POLR3B: variants seen among roughly 807,000 people sequenced by gnomAD.
POLR3B encodes DNA-directed RNA polymerase III subunit RPC2.
In POLR3B, 96 loss-of-function variants were observed where a neutral mutation model predicts 147.4. The ratio of observed to expected loss-of-function variants is 0.65; its 90% confidence interval spans 0.55 to 0.77. The LOEUF is 0.77. POLR3B is among the 30% of genes least tolerant of loss of function. POLR3B has a pLI of 0.00. For missense variants in POLR3B, 1,036 were observed against 1,413.5 expected, an observed-to-expected ratio of 0.73 and a Z score of 4.28; for synonymous variants, 461 against 485.9, an observed-to-expected ratio of 0.95 and a Z score of 0.67.
At chr12:106,477,052 G>A (rs1229530790) in intron 23 of POLR3B, among the ~76,000 whole-genome samples, 6 of 147,434 alleles carry the variant, frequency 4.1e-5, no homozygotes, top group African/African-American at 7.7e-5. Flanking sequence ...TTTTGGTGTG[G>A]ATGTCCTTTC....
At chr12:106,470,852 G>A (rs984667749) in intron 23 of POLR3B, among the ~76,000 whole-genome samples, 4 of 152,080 alleles carry the variant, frequency 2.6e-5, no homozygotes, top group South Asian at 2.1e-4. Flanking sequence ...AGGGGCACCT[G>A]CCTGTATGAG....
chr12:106,429,194 C>T lies in POLR3B; in HGVS notation c.1264-1079C>T, dbSNP rs77458721. Among the ~76,000 whole-genome samples the T allele has an allele frequency of 6.6e-3, 1,003 of 152,246 alleles. 10 individuals are homozygous for T. Among genetic ancestry groups the T allele is most frequent in the African/African-American group, 0.023 (937 of 41,544 alleles). On this transcript the variant is annotated intron_variant, in intron 13 of 27. Transcript: ENST00000228347. ...CTTTTTTTTGGACAGCATCTTACTT[C>T]GAGGCTGGAGTACAGTGGTGCAATC...
intron 23 of POLR3B, among the ~76,000 whole-genome samples, chr12:106,486,571 C>T (rs1357789192): frequency 6.6e-6 from 1 of 152,128 alleles, no homozygotes; most frequent in Non-Finnish European, 1.5e-5. Flanking sequence ...TATTTTCTGT[C>T]TCCTCCTTAA....
chr12:106,503,794 T>C (rs2038641506), intron 26 of POLR3B, among the ~76,000 whole-genome samples: 7 of 152,274 alleles, frequency 4.6e-5, no homozygotes, highest in Admixed American at 4.6e-4. Flanking sequence ...TCTGTGATTA[T>C]ATATTAATAT....
At chr12:106,462,607 TAAGTA>T (rs1471718204) in intron 22 of POLR3B, among the ~76,000 whole-genome samples, 5 of 152,180 alleles carry the variant, frequency 3.3e-5, no homozygotes, top group African/African-American at 1.2e-4. Flanking sequence ...TTGAGTAAGT[TAAGTA>T]AAAGTGTGAA....
In POLR3B at chr12:106,400,583, C is replaced by T. The variant is rs1360939510; in HGVS notation, c.847-5274C>T. 2.6e-5 allele frequency among the ~76,000 whole-genome samples: 4 copies of T among 152,322 alleles called. No homozygotes were observed. In the South Asian group the frequency reaches 6.2e-4, roughly 24 times the overall value. ...TGACCACATAGTTGGAAGTAAAGCACTCTTCAGCAAATGTAAAAGAACAGA... is the reference window on the plus strand; with the variant it reads ...TGACCACATAGTTGGAAGTAAAGCATTCTTCAGCAAATGTAAAAGAACAGA... On this transcript the variant is annotated intron_variant, in intron 10 of 27. Coordinates refer to ENST00000228347, the MANE Select transcript of POLR3B (RefSeq NM_018082.6).
At chr12:106,465,966 G>C (rs1174527223) in intron 23 of POLR3B, among the ~76,000 whole-genome samples, 1 of 151,634 alleles carries the variant, frequency 6.6e-6, no homozygotes, top group Non-Finnish European at 1.5e-5. Context: ...GTAATCCTTT[G>C]GGTATATGGG....
chr12:106,408,494 G>A (rs1471996185), intron 11 of POLR3B, among the ~76,000 whole-genome samples: 1 of 152,144 alleles, frequency 6.6e-6, no homozygotes, highest in Non-Finnish European at 1.5e-5. Flanking sequence ...CCGGTAATCT[G>A]TGTCTTAACA....
intron 10 of POLR3B, among the ~76,000 whole-genome samples, chr12:106,404,831 A>T (rs891309888): frequency 2.0e-5 from 3 of 152,108 alleles, no homozygotes; most frequent in Admixed American, 6.6e-5. Flanking sequence ...GGTCAGAAAT[A>T]TATTCTTCAA....
chr12:106,404,034 G>T (rs1355206039), intron 10 of POLR3B, among the ~76,000 whole-genome samples: 2 of 150,990 alleles, frequency 1.3e-5, no homozygotes, highest in Non-Finnish European at 2.9e-5. Context: ...TATATACCTT[G>T]TTCCAAAATG....
intron 16 of POLR3B, among the ~76,000 whole-genome samples, chr12:106,435,164 G>A (rs562424556): frequency 6.8e-6 from 1 of 146,764 alleles, no homozygotes; most frequent in Admixed American, 6.8e-5. Flanking sequence ...GTCTCACTTT[G>A]TCACCCAGGC....
At chr12:106,432,622 T>C (rs2037525719) in intron 15 of POLR3B, 142 bp downstream of exon 15, 6 of 762,274 alleles carry the variant, frequency 7.9e-6, no homozygotes, top group Admixed American at 3.8e-5. Flanking sequence ...GAAAATACAA[T>C]GATAACAGAA....
At chr12:106,369,373 T>C (rs1449329546) in intron 5 of POLR3B, 23 bp downstream of exon 5, 3 of 1,322,424 alleles carry the variant, frequency 2.3e-6, no homozygotes, top group South Asian at 2.3e-5. Flanking sequence ...CTTACTTTAA[T>C]TGGACTTGTT....
chr12:106,444,701 G>T, intron 19 of POLR3B, 111 bp downstream of exon 19: 1 of 1,153,402 alleles, frequency 8.7e-7, no homozygotes. Context: ...ACCAGGCACT[G>T]GGAACACCTG....
intron 9 of POLR3B, among the ~76,000 whole-genome samples, chr12:106,383,988 AAG>A (rs1413862352): frequency 2.6e-5 from 4 of 150,968 alleles, no homozygotes; most frequent in Non-Finnish European, 5.9e-5. Flanking sequence ...AAAAAAAAAA[AAG>A]AGAGAGAAAA....
chr12:106,502,948 C>T (rs1419514675), intron 26 of POLR3B, among the ~76,000 whole-genome samples: 1 of 152,172 alleles, frequency 6.6e-6, no homozygotes, highest in East Asian at 1.9e-4. Context: ...TAACTTTTGT[C>T]TCTTCCATAT....
chr12:106,401,434 A>C (rs2037065431), intron 10 of POLR3B, among the ~76,000 whole-genome samples: 1 of 152,244 alleles, frequency 6.6e-6, no homozygotes, highest in South Asian at 2.1e-4. Context: ...TCAATAGAAA[A>C]AGAGGGAATC....
intron 22 of POLR3B, among the ~76,000 whole-genome samples, chr12:106,459,749 C>T (rs1443309459): frequency 6.6e-6 from 1 of 152,172 alleles, no homozygotes; most frequent in Non-Finnish European, 1.5e-5. Context: ...GTAAAACACA[C>T]TGGCCACAGC....
chr12:106,438,779 G>A (rs1037512629), intron 18 of POLR3B, among the ~76,000 whole-genome samples: 20 of 152,100 alleles, frequency 1.3e-4, no homozygotes, highest in African/African-American at 4.8e-4. Flanking sequence ...GATGATTTTT[G>A]TCCATGGACA....
Sources: allele counts gnomAD v4.1 joint callset (sites outside exome capture counted in the v4.1 genomes callset), GRCh38; gene constraint gnomAD v4.1.1; transcripts MANE v1.5; gene names NCBI Gene and HGNC (gene_info 2026-07-23, HGNC 2026-07-21).